Variants in EDIL3 observed in about 807,000 individuals in gnomAD.
EDIL3 encodes EGF-like repeat and discoidin I-like domain-containing protein 3.
EDIL3 carries 37 observed loss-of-function variants against 67.4 expected under a neutral mutation model. The ratio of observed to expected loss-of-function variants is 0.55; its 90% CI spans 0.42 to 0.72. The LOEUF (loss-of-function observed/expected upper bound fraction) is 0.72, where lower values mean the gene tolerates loss of function less well. EDIL3 is among the 30% of genes least tolerant of loss of function. The pLI, the probability that EDIL3 is intolerant of heterozygous loss-of-function variation, is 0.00. For missense variants in EDIL3, 527 were observed against 586.3 expected (o/e 0.90, Z 1.04); for synonymous variants, 195 against 196.3 (o/e 0.99, Z 0.05).
At chr5:84,226,906 TAGTG>T (rs1384309778) in intron 3 of EDIL3, among the ~76,000 whole-genome samples, 1 of 151,936 alleles carries the variant, frequency 6.6e-6, no homozygotes, top group Admixed American at 6.6e-5. Context: ...AAGGCCTTCT[TAGTG>T]AGGAGAGAAG....
chr5:84,360,576 C>T (rs1199265171), intron 1 of EDIL3, among the ~76,000 whole-genome samples: 1 of 152,060 alleles, frequency 6.6e-6, no homozygotes, highest in Non-Finnish European at 1.5e-5. Flanking sequence ...TAAGTAATGC[C>T]ATCACTTGTG....
intron 9 of EDIL3, among the ~76,000 whole-genome samples, chr5:83,975,409 T>G (rs1744861443): frequency 6.6e-6 from 1 of 151,980 alleles, no homozygotes; most frequent in Non-Finnish European, 1.5e-5. Context: ...AATAAATCAC[T>G]TGAAACAAAC....
intron 10 of EDIL3, among the ~76,000 whole-genome samples, chr5:83,960,426 T>C (rs1426771255): frequency 6.6e-6 from 1 of 151,126 alleles, no homozygotes; most frequent in Non-Finnish European, 1.5e-5. Flanking sequence ...ATGTTTGAGG[T>C]GATGGATATC....
At chr5:84,272,849 A>AT (rs144612335) in intron 1 of EDIL3, among the ~76,000 whole-genome samples, 45 of 150,110 alleles carry the variant, frequency 3.0e-4, no homozygotes, top group Non-Finnish European at 3.1e-4. Flanking sequence ...AGTATGAATT[A>AT]TTTTTTTTTT....
intron 9 of EDIL3, among the ~76,000 whole-genome samples, chr5:84,036,800 C>T (rs1438039087): frequency 6.6e-6 from 1 of 152,072 alleles, no homozygotes; most frequent in Non-Finnish European, 1.5e-5. Flanking sequence ...TTTCTCTTTC[C>T]TATGTTTACT....
intron 4 of EDIL3, among the ~76,000 whole-genome samples, chr5:84,162,170 T>C (rs1158116026): frequency 6.6e-6 from 1 of 152,034 alleles, no homozygotes; most frequent in African/African-American, 2.4e-5. Context: ...GGGCAGACCA[T>C]TCTGGGTTCT....
chr5:84,203,177 T>C (rs183521762), intron 3 of EDIL3, among the ~76,000 whole-genome samples: 10 of 152,266 alleles, frequency 6.6e-5, no homozygotes, highest in Non-Finnish European at 1.2e-4. Flanking sequence ...AACTATTGAA[T>C]TTTGCTTCCA....
rs575657085 is a variant in EDIL3, at chr5:84,144,529, A to T, written c.356-7175T>A. 2.6e-5 allele frequency among the ~76,000 whole-genome samples: 4 copies of T among 152,182 alleles called. No homozygotes were observed. The South Asian group carries it at 8.3e-4, about 32-fold the overall frequency. ...CTAAATTGGTCTGGCAGACTAGGGG[A>T]TGTTGAGTTTTAGAGAAGGAGTCTA... On this transcript the variant is annotated intron_variant, in intron 4 of 10. Transcript: ENST00000296591.
chr5:84,352,435 C>T (rs975028801), intron 1 of EDIL3, among the ~76,000 whole-genome samples: 2 of 151,484 alleles, frequency 1.3e-5, no homozygotes, highest in Non-Finnish European at 2.9e-5. Context: ...GCATAGGTTA[C>T]ACACACACAC....
intron 9 of EDIL3, among the ~76,000 whole-genome samples, chr5:84,052,604 A>G (rs1285412572): frequency 6.6e-6 from 1 of 152,186 alleles, no homozygotes; most frequent in Non-Finnish European, 1.5e-5. Flanking sequence ...AAATAAAGGG[A>G]TGGAGGAAGA....
intron 5 of EDIL3, among the ~76,000 whole-genome samples, chr5:84,117,038 T>TTA (rs1747680760): frequency 5.0e-5 from 7 of 139,896 alleles, no homozygotes; most frequent in African/African-American, 1.9e-4. Flanking sequence ...TTTTTTTTTT[T>TTA]TTTTTTTGAG....
chr5:84,057,167 C>G (rs1746462803), intron 9 of EDIL3, among the ~76,000 whole-genome samples: 1 of 152,100 alleles, frequency 6.6e-6, no homozygotes, highest in Non-Finnish European at 1.5e-5. Flanking sequence ...CTTGAATTAA[C>G]ACAAAGTCTA....
intron 1 of EDIL3, among the ~76,000 whole-genome samples, chr5:84,374,245 A>G (rs541071983): frequency 1.3e-5 from 2 of 152,174 alleles, no homozygotes; most frequent in South Asian, 4.1e-4. Flanking sequence ...AATTACCTCA[A>G]GTAAAGTAGT....
chr5:84,078,918 G>A (rs1301007372), intron 6 of EDIL3: 1 of 152,152 alleles, frequency 6.6e-6, no homozygotes, highest in African/African-American at 2.4e-5. Context: ...CTTGGGATGA[G>A]AGTGGTGGCC....
At chr5:84,310,209 C>T (rs1159736879) in intron 1 of EDIL3, among the ~76,000 whole-genome samples, 29 of 152,124 alleles carry the variant, frequency 1.9e-4, no homozygotes, top group Admixed American at 1.8e-3. Context: ...CTTTTCAGCT[C>T]AAAGTAACAT....
At chr5:84,116,888 G>A (rs957388162) in intron 5 of EDIL3, among the ~76,000 whole-genome samples, 3 of 152,172 alleles carry the variant, frequency 2.0e-5, no homozygotes, top group East Asian at 3.9e-4. Flanking sequence ...ATTCATACTG[G>A]ATGTGTTTTA....
intron 2 of EDIL3, among the ~76,000 whole-genome samples, chr5:84,246,899 T>C (rs1744919421): frequency 6.6e-6 from 1 of 152,200 alleles, no homozygotes; most frequent in African/African-American, 2.4e-5. Flanking sequence ...ATATAAAATA[T>C]AATTACTTTT....
At chr5:83,952,563 G>A (rs930604662) in intron 10 of EDIL3, among the ~76,000 whole-genome samples, 1 of 151,770 alleles carries the variant, frequency 6.6e-6, no homozygotes, top group African/African-American at 2.4e-5. Context: ...GAAAGTAAGG[G>A]CATCTACTTT....
chr5:84,367,420 C>A (rs1747761358), intron 1 of EDIL3, among the ~76,000 whole-genome samples: 2 of 152,010 alleles, frequency 1.3e-5, no homozygotes, highest in Admixed American at 1.3e-4. Flanking sequence ...TGTGAGAAAA[C>A]ATATTTGCAA....
Sources: allele counts gnomAD v4.1 joint callset (sites outside exome capture counted in the v4.1 genomes callset), GRCh38; gene constraint gnomAD v4.1.1; transcripts MANE v1.5; gene names NCBI Gene and HGNC (gene_info 2026-07-23, HGNC 2026-07-21).